The following TMCC1 variants were observed in gnomAD, a reference collection of about 807,000 sequenced individuals.
TMCC1 encodes the protein transmembrane and coiled-coil domain family 1.
Under a neutral mutation model 52.4 loss-of-function variants are expected in TMCC1, and 15 were observed. The ratio of observed to expected loss-of-function variants is 0.29; its 90% confidence interval spans 0.19 to 0.44. TMCC1 has a LOEUF of 0.44. Among genes scored for constraint, TMCC1 ranks in the 20% least tolerant of loss-of-function variants. The pLI is 1.00. For missense variants in TMCC1, 503 were observed against 806.0 expected (o/e 0.62, Z 4.55); for synonymous variants, 279 against 301.9 (o/e 0.92, Z 0.79).
intron 2 of TMCC1, among the ~76,000 whole-genome samples, chr3:129,839,383 C>A (rs2059320698): frequency 6.6e-6 from 1 of 151,864 alleles, no homozygotes; most frequent in East Asian, 1.9e-4. Flanking sequence ...AAAAAGCAAC[C>A]ACTAAAAACC....
chr3:129,729,051 T>C (rs964531175), intron 4 of TMCC1, among the ~76,000 whole-genome samples: 2 of 152,200 alleles, frequency 1.3e-5, no homozygotes, highest in Non-Finnish European at 2.9e-5. Flanking sequence ...TTCATAGAAA[T>C]GTAAGTTTTC....
intron 4 of TMCC1, among the ~76,000 whole-genome samples, chr3:129,680,540 G>A (rs1361974429): frequency 6.6e-6 from 1 of 152,098 alleles, no homozygotes; most frequent in Non-Finnish European, 1.5e-5. Flanking sequence ...TCACTGCGTC[G>A]CTTGTCATAA....
intron 4 of TMCC1, among the ~76,000 whole-genome samples, chr3:129,823,837 C>T (rs977870082): frequency 5.5e-4 from 84 of 152,208 alleles, no homozygotes; most frequent in African/African-American, 2.0e-3. Context: ...TGATAAAGTA[C>T]CCAAATCTCT....
At chr3:129,808,526 A>G (rs181688312) in intron 4 of TMCC1, among the ~76,000 whole-genome samples, 259 of 151,686 alleles carry the variant, frequency 1.7e-3, no homozygotes, top group African/African-American at 5.6e-3. Flanking sequence ...AAAGAAAATA[A>G]TGAAAGATTT....
rs2086238534 is a variant in TMCC1, at chr3:129,650,196, G to C, written c.*1285C>G. ...ACAAAATAAATTAAGGAAACACAAG[G>C]ACTTATTTATGACTCTTATAGTCTC... On this transcript the variant is annotated 3_prime_UTR_variant, in exon 7 of 7. Coordinates refer to ENST00000393238, the MANE Select transcript of TMCC1 (RefSeq NM_001017395.5). 1 of 151,674 alleles carries C rather than the reference G, an allele frequency of 6.6e-6. No homozygotes were observed. Among genetic ancestry groups the C allele is most frequent in the Admixed American group, 6.6e-5 (1 of 15,122 alleles). The allele number at this position is 151,674 out of a possible 1,614,324, so 9.4% of individuals were successfully genotyped here.
chr3:129,750,177 T>C lies in TMCC1; in HGVS notation c.576+77626A>G, dbSNP rs572609310. Among the ~76,000 whole-genome samples the C allele has an allele frequency of 2.0e-5, 3 of 152,254 alleles. No homozygotes were observed. In the South Asian group the frequency reaches 6.2e-4, roughly 32 times the overall value. ...TCAAAATCTTGTCTCAAAATCTTTA[T>C]TTTATTATTATTTATTTATTTACTT... On this transcript the variant is annotated intron_variant, in intron 4 of 6. Coordinates refer to ENST00000393238, the MANE Select transcript of TMCC1 (RefSeq NM_001017395.5).
chr3:129,852,144 C>A (rs534817923), intron 2 of TMCC1, among the ~76,000 whole-genome samples: 6 of 151,964 alleles, frequency 3.9e-5, no homozygotes, highest in African/African-American at 1.4e-4. Flanking sequence ...CAGCGTGAGA[C>A]CCTGTCTGAA....
At chr3:129,849,458 T>C (rs868586265) in intron 2 of TMCC1, among the ~76,000 whole-genome samples, 10 of 142,842 alleles carry the variant, frequency 7.0e-5, no homozygotes, top group African/African-American at 2.6e-4. Context: ...CGAGACTCCA[T>C]CTCAAAAAAA....
intron 4 of TMCC1, among the ~76,000 whole-genome samples, chr3:129,800,490 T>A (rs1185825342): frequency 6.7e-6 from 1 of 149,172 alleles, no homozygotes; most frequent in African/African-American, 2.5e-5. Context: ...AACTCTTGAT[T>A]TTTTTTTTTT....
intron 1 of TMCC1, among the ~76,000 whole-genome samples, chr3:129,891,197 C>T (rs756328452): frequency 6.6e-6 from 1 of 152,196 alleles, no homozygotes; most frequent in Non-Finnish European, 1.5e-5. Context: ...ACCCACCTTT[C>T]AGTCATTCAC....
intron 4 of TMCC1, among the ~76,000 whole-genome samples, chr3:129,815,758 A>G (rs2107803965): frequency 6.6e-6 from 1 of 152,328 alleles, no homozygotes; most frequent in Middle Eastern, 3.4e-3. Flanking sequence ...GGATCACATC[A>G]TGCTAAAAAG....
At chr3:129,784,180 G>GCTAC (rs2055780453) in intron 4 of TMCC1, among the ~76,000 whole-genome samples, 1 of 151,712 alleles carries the variant, frequency 6.6e-6, no homozygotes, top group Admixed American at 6.6e-5. Flanking sequence ...TTTTTTAGCA[G>GCTAC]CTACCAAGTA....
At chr3:129,804,925 A>G (rs894503048) in intron 4 of TMCC1, among the ~76,000 whole-genome samples, 1 of 152,222 alleles carries the variant, frequency 6.6e-6, no homozygotes, top group Non-Finnish European at 1.5e-5. Context: ...TATTGGACAG[A>G]AGAATCTTTT....
chr3:129,735,046 C>T (rs6796479), intron 4 of TMCC1, among the ~76,000 whole-genome samples: 13,924 of 151,750 alleles, frequency 0.092, 2,086 homozygotes, highest in African/African-American at 0.32. Context: ...GGACTACAGG[C>T]GCCCGCCACC....
chr3:129,869,307 C>G lies in TMCC1; in HGVS notation c.-184+11002G>C, dbSNP rs972136588. Among the ~76,000 whole-genome samples, 20 of 152,252 alleles carry G rather than the reference C, an allele frequency of 1.3e-4. No homozygotes were observed. The South Asian group carries it at 1.5e-3, about 11-fold the overall frequency. ...ACATGAAAGCCTCACACCCCTCCCCCATAGCTTGCCCTATGTATTTATTTC... is the reference window on the plus strand; with the variant it reads ...ACATGAAAGCCTCACACCCCTCCCCGATAGCTTGCCCTATGTATTTATTTC... On this transcript the variant is annotated intron_variant, in intron 2 of 6. Transcript: ENST00000393238.
intron 4 of TMCC1, among the ~76,000 whole-genome samples, chr3:129,775,186 T>C (rs1163749650): frequency 6.6e-6 from 1 of 152,122 alleles, no homozygotes; most frequent in Non-Finnish European, 1.5e-5. Flanking sequence ...GGCTCACATT[T>C]GTAATTCCAG....
Position 129,651,477 on chromosome 3 carries a change from A to G in TMCC1, c.*4T>C. On this transcript the variant is annotated 3_prime_UTR_variant, in exon 7 of 7. Transcript: ENST00000393238. The surrounding 1 kb of genome is among the most constrained non-coding windows in gnomAD (Gnocchi z 5.1). ...GGTAGGGAACAATGCCTTCTGTGCC[A>G]GCATCATCTAGGGGATGAAAAGAAC... is the stretch of plus-strand genomic sequence containing the variant. The G allele has an allele frequency of 1.2e-6, 2 of 1,611,702 alleles. No individual in the cohort carries two copies. The highest frequency in any genetic ancestry group is 1.7e-6 in the Non-Finnish European group (2 of 1,178,236).
intron 4 of TMCC1, among the ~76,000 whole-genome samples, chr3:129,774,036 C>T (rs777461816): frequency 1.3e-5 from 2 of 152,186 alleles, no homozygotes; most frequent in Non-Finnish European, 2.9e-5. Context: ...CATATTGGCA[C>T]AACATAACAG....
intron 5 of TMCC1, among the ~76,000 whole-genome samples, chr3:129,666,665 A>C (rs1181889183): frequency 1.3e-5 from 2 of 152,122 alleles, no homozygotes; most frequent in African/African-American, 4.8e-5. Context: ...ACTTGAACCC[A>C]GGAGGCGGAG....
Sources: gnomAD v4.1 joint callset for allele counts (sites outside exome capture counted in the v4.1 genomes callset) on GRCh38, gnomAD v4.1.1 for gene constraint, Gnocchi (gnomAD v3.1) non-coding constraint, MANE v1.5 for transcripts, NCBI Gene and HGNC (gene_info 2026-07-23, HGNC 2026-07-21) for gene names.